Variants in MAGI2 observed in about 807,000 individuals in gnomAD.
MAGI2 encodes the protein membrane-associated guanylate kinase, WW and PDZ domain-containing protein 2.
Under a neutral mutation model 133.3 loss-of-function variants are expected in MAGI2, and 35 were observed. The ratio of observed to expected loss-of-function variants is 0.26; its 90% CI spans 0.20 to 0.35. The LOEUF (loss-of-function observed/expected upper bound fraction) is 0.35. MAGI2 is among the 10% of genes least tolerant of loss of function. The pLI is 1.00. For missense variants in MAGI2, 1,636 were observed against 1,863.4 expected (o/e 0.88, Z 2.25); for synonymous variants, 729 against 710.6 (o/e 1.03, Z -0.41).
chr7:78,203,568 T>C (rs1476986752), intron 10 of MAGI2, among the ~76,000 whole-genome samples: 3 of 152,206 alleles, frequency 2.0e-5, no homozygotes, highest in Admixed American at 1.3e-4. Flanking sequence ...GCTCACGTGA[T>C]GGCAGTTTCT....
intron 1 of MAGI2, among the ~76,000 whole-genome samples, chr7:79,225,381 A>C (rs1830763802): frequency 6.6e-6 from 1 of 152,344 alleles, no homozygotes; most frequent in Middle Eastern, 3.4e-3. Context: ...AAATTATAGA[A>C]TGTACTTGAT....
intron 6 of MAGI2, among the ~76,000 whole-genome samples, chr7:78,392,848 G>T (rs1373586813): frequency 6.6e-6 from 1 of 151,960 alleles, no homozygotes; most frequent in Non-Finnish European, 1.5e-5. Flanking sequence ...TCTCCATGTT[G>T]GTCGGGCTGG....
At chr7:78,573,365 AATATAT>A (rs58739225) in intron 3 of MAGI2, among the ~76,000 whole-genome samples, 369 of 29,022 alleles carry the variant, frequency 0.013, 11 homozygotes, top group African/African-American at 0.032. Flanking sequence ...GAATCCTGGA[AATATAT>A]ATATATATAT....
intron 3 of MAGI2, among the ~76,000 whole-genome samples, chr7:78,625,860 G>A (rs1427462044): frequency 6.6e-6 from 1 of 152,154 alleles, no homozygotes; most frequent in African/African-American, 2.4e-5. Flanking sequence ...CAGGTTTGTA[G>A]CCTGGAAATA....
intron 21 of MAGI2, among the ~76,000 whole-genome samples, chr7:78,025,250 C>T (rs530461400): frequency 6.6e-5 from 10 of 152,272 alleles, no homozygotes; most frequent in Non-Finnish European, 1.3e-4. Flanking sequence ...AAGAACATGG[C>T]GGGTTCTTTT....
intron 2 of MAGI2, among the ~76,000 whole-genome samples, chr7:78,846,051 CT>C (rs1792577321): frequency 6.6e-6 from 1 of 151,764 alleles, no homozygotes; most frequent in African/African-American, 2.4e-5. Context: ...CTATTCAGTA[CT>C]TTTTAGGTTT....
chr7:78,201,948 TA>T (rs1361106339), intron 10 of MAGI2, among the ~76,000 whole-genome samples: 2 of 152,206 alleles, frequency 1.3e-5, no homozygotes, highest in Admixed American at 6.5e-5. Flanking sequence ...AACTCCCTTT[TA>T]AAAAATATTA....
chr7:78,896,474 T>C (rs575647498), intron 2 of MAGI2, among the ~76,000 whole-genome samples: 115 of 150,622 alleles, frequency 7.6e-4, no homozygotes, highest in Non-Finnish European at 1.6e-3. Context: ...AATAAAAATG[T>C]CTTCTGTTTT....
At chr7:78,336,268 G>T (rs1789750676) in intron 9 of MAGI2, among the ~76,000 whole-genome samples, 1 of 152,180 alleles carries the variant, frequency 6.6e-6, no homozygotes, top group Non-Finnish European at 1.5e-5. Flanking sequence ...GAATCAGTAG[G>T]TCTGGGGGCA....
intron 21 of MAGI2, among the ~76,000 whole-genome samples, chr7:78,054,248 C>T (rs1456083567): frequency 6.6e-6 from 1 of 152,056 alleles, no homozygotes; most frequent in Non-Finnish European, 1.5e-5. Context: ...GCCTCAGCCT[C>T]CTGAGTAGCT....
At chr7:78,939,269 C>T (rs1033178257) in intron 2 of MAGI2, among the ~76,000 whole-genome samples, 8 of 152,142 alleles carry the variant, frequency 5.3e-5, no homozygotes, top group Non-Finnish European at 1.0e-4. Context: ...GCTGGGATTA[C>T]AGGTGTGAGC....
At chr7:78,720,808 C>G (rs17450926) in intron 2 of MAGI2, among the ~76,000 whole-genome samples, 13,871 of 152,036 alleles carry the variant, frequency 0.091, 708 homozygotes, top group Admixed American at 0.14. Context: ...TTTTATTTCT[C>G]AAAGGTAAGA....
chr7:79,083,065 A>C (rs1284884690), intron 1 of MAGI2, among the ~76,000 whole-genome samples: 1 of 151,310 alleles, frequency 6.6e-6, no homozygotes, highest in African/African-American at 2.4e-5. Context: ...ATTTCTAATC[A>C]TGTGTTTGTG....
At chr7:79,003,523 G>C (rs1807108138) in intron 2 of MAGI2, among the ~76,000 whole-genome samples, 1 of 152,158 alleles carries the variant, frequency 6.6e-6, no homozygotes, top group Admixed American at 6.5e-5. Flanking sequence ...TCAGTAGTCT[G>C]TTTTCCTTCT....
chr7:78,564,052 G>A (rs1046786614), intron 3 of MAGI2, among the ~76,000 whole-genome samples: 1 of 152,114 alleles, frequency 6.6e-6, no homozygotes, highest in South Asian at 2.1e-4. Context: ...AAGGGAAACT[G>A]TAAATTTTCA....
At chr7:79,131,172 A>T (rs936922299) in intron 1 of MAGI2, among the ~76,000 whole-genome samples, 5 of 152,170 alleles carry the variant, frequency 3.3e-5, no homozygotes, top group African/African-American at 9.6e-5. Flanking sequence ...GATCTCCCAA[A>T]AGCAGGGTCC....
At chr7:78,938,987 T>C (rs957650558) in intron 2 of MAGI2, among the ~76,000 whole-genome samples, 4 of 152,116 alleles carry the variant, frequency 2.6e-5, no homozygotes, top group Non-Finnish European at 5.9e-5. Context: ...GATCCCCACA[T>C]ATAATCGTTA....
At chr7:78,070,644 AT>A (rs376515864) in intron 21 of MAGI2, among the ~76,000 whole-genome samples, 6,959 of 134,172 alleles carry the variant, frequency 0.052, 231 homozygotes, top group Admixed American at 0.067. Flanking sequence ...ATATATATAT[AT>A]TTTTTTTTTT....
chr7:78,524,773 AAG>A (rs1417063403), intron 3 of MAGI2, among the ~76,000 whole-genome samples: 1 of 16,770 alleles, frequency 6.0e-5, no homozygotes, highest in East Asian at 7.0e-4. Flanking sequence ...AGCTTTCAGT[AAG>A]TATGTTGCTA....
Sources: gnomAD v4.1 joint callset for allele counts (sites outside exome capture counted in the v4.1 genomes callset) on GRCh38, gnomAD v4.1.1 for gene constraint, MANE v1.5 for transcripts, NCBI Gene and HGNC (gene_info 2026-07-23, HGNC 2026-07-21) for gene names.